PRMT2: variants seen among roughly 807,000 people sequenced by gnomAD.
The protein encoded by PRMT2 is protein arginine methyltransferase 2, also known as protein arginine N-methyltransferase 2.
PRMT2 carries 26 observed loss-of-function variants against 57.6 expected under a neutral mutation model. The ratio of observed to expected loss-of-function variants is 0.45; its 90% confidence interval spans 0.33 to 0.63. The LOEUF is 0.63. Ranked by LOEUF, PRMT2 falls within the 20% of genes least tolerant of loss-of-function variation. The probability of loss-of-function intolerance (pLI) is 0.02; values close to 1 mark genes in which losing one functional copy is unlikely to be tolerated. For missense variants in PRMT2, 472 were observed against 564.4 expected, an observed-to-expected ratio of 0.84 and a Z score of 1.66; for synonymous variants, 219 against 220.0, an observed-to-expected ratio of 1.00 and a Z score of 0.04.
Position 46,648,427 on chromosome 21 carries a change from G to C in PRMT2, c.328-31G>C. The C allele has an allele frequency of 1.2e-6, 2 of 1,610,958 alleles. No individual in the cohort carries two copies. Among genetic ancestry groups the C allele is most frequent in the South Asian group, 2.2e-5 (2 of 90,712 alleles). ...GACCTCAGCATGGCTCTAGGTCACA[G>C]GCAGTGATTCTGAATGTGCATTTCT... On this transcript the variant is annotated intron_variant, in intron 5 of 11. Transcript: ENST00000355680. This position sits in a 1 kb window ranked among gnomAD's most constrained non-coding sequence, Gnocchi z 4.8.
intron 8 of PRMT2, chr21:46,659,980 G>T (rs1411922775): frequency 7.1e-6 from 7 of 983,576 alleles, no homozygotes; most frequent in Non-Finnish European, 8.5e-6. Flanking sequence ...ATGTCTGGGG[G>T]ATAAAAATAA....
chr21:46,653,788 T>A (rs1301246122), intron 7 of PRMT2: 2 of 1,094,112 alleles, frequency 1.8e-6, no homozygotes, highest in Non-Finnish European at 2.2e-6. Context: ...TACAGAGACA[T>A]CTTTTTCAGG....
intron 3 of PRMT2, among the ~76,000 whole-genome samples, chr21:46,637,397 C>A (rs183857607): frequency 2.7e-4 from 41 of 152,232 alleles, no homozygotes; most frequent in African/African-American, 9.9e-4. Flanking sequence ...CATGTAGTTT[C>A]GTTCAAGTTA....
chr21:46,663,649 C>A, intron 11 of PRMT2, 95 bp downstream of exon 11: 1 of 1,284,034 alleles, frequency 7.8e-7, no homozygotes, highest in Non-Finnish European at 1.1e-6. Flanking sequence ...CTGGCCCACA[C>A]TGGGGTCCAC....
At chr21:46,653,687 T>C (rs2061496515) in intron 7 of PRMT2, 1 of 1,258,294 alleles carries the variant, frequency 7.9e-7, no homozygotes, top group Non-Finnish European at 1.0e-6. Flanking sequence ...ATTTTACTTT[T>C]CAGAGGTGCT....
At position 46,649,175 on chromosome 21, in the gene PRMT2, C is replaced by G. The variant is rs1318858385; in HGVS notation, c.490-400C>G. Among the ~76,000 whole-genome samples, 1 of 152,222 alleles carries G rather than the reference C, an allele frequency of 6.6e-6. No individual in the cohort carries two copies. Among genetic ancestry groups the G allele is most frequent in the African/African-American group, 2.4e-5 (1 of 41,454 alleles). On this transcript the variant is annotated intron_variant, in intron 6 of 11. Coordinates refer to ENST00000355680, the MANE Select transcript of PRMT2 (RefSeq NM_206962.4). This position sits in a 1 kb window ranked among gnomAD's most constrained non-coding sequence, Gnocchi z 4.8. ...CAGCGCTTGGGTGCTTCCCACCAGACCCTTCCCTGAGAACCTGGGTTTGAA... is the reference window on the plus strand; with the variant it reads ...CAGCGCTTGGGTGCTTCCCACCAGAGCCTTCCCTGAGAACCTGGGTTTGAA...
intron 7 of PRMT2, chr21:46,653,769 C>A: frequency 8.7e-7 from 1 of 1,153,512 alleles, no homozygotes; most frequent in South Asian, 2.0e-5. Context: ...AAGCTTGCCT[C>A]ATACAAAGTA....
chr21:46,638,354 G>C (rs1414779806), intron 3 of PRMT2, among the ~76,000 whole-genome samples: 2 of 152,212 alleles, frequency 1.3e-5, no homozygotes, highest in African/African-American at 2.4e-5. Flanking sequence ...GCCTGTTGCA[G>C]TCTCACTGCT....
At chr21:46,651,839 T>C in intron 7 of PRMT2, 1 of 1,612,792 alleles carries the variant, frequency 6.2e-7, no homozygotes, top group East Asian at 2.2e-5. Flanking sequence ...CATTCTCCCC[T>C]GCACCTGTGC....
intron 1 of PRMT2, chr21:46,636,064 C>CT: frequency 6.5e-6 from 1 of 153,286 alleles, no homozygotes; most frequent in South Asian, 2.0e-4. Context: ...CCACGCCCAC[C>CT]TGCCTGGCGG....
At chr21:46,643,489 A>AAAG (rs1569151382) in intron 3 of PRMT2, 46 bp from the exon 4 acceptor site, 1 of 1,414,264 alleles carries the variant, frequency 7.1e-7, no homozygotes. Flanking sequence ...AAAAAAAAAA[A>AAAG]AAAGCTCCAG....
At chr21:46,653,945 T>G in intron 7 of PRMT2, 1 of 1,020,890 alleles carries the variant, frequency 9.8e-7, no homozygotes, top group Non-Finnish European at 1.2e-6. Flanking sequence ...TGTTTTTTTT[T>G]TTTTTTGGCG....
intron 8 of PRMT2, chr21:46,659,986 A>T (rs2149000439): frequency 1.0e-6 from 1 of 983,790 alleles, no homozygotes; most frequent in South Asian, 4.7e-5. Flanking sequence ...GGGGGATAAA[A>T]ATAAGTATAT....
intron 7 of PRMT2, chr21:46,651,982 C>T: frequency 1.2e-6 from 2 of 1,613,302 alleles, no homozygotes; most frequent in Non-Finnish European, 1.7e-6. Context: ...GCCTTCATCT[C>T]TCCTGGCCCA....
At chr21:46,664,173 C>T (rs888780436) in intron 11 of PRMT2, 122 bp from the exon 12 acceptor site, 11 of 756,526 alleles carry the variant, frequency 1.5e-5, no homozygotes, top group South Asian at 1.2e-4. Context: ...AAAAGTTTGT[C>T]ATTTAAAAAA....
chr21:46,658,804 G>A lies in PRMT2; in HGVS notation c.714G>A (p.Gly238=). 3 of 1,614,194 alleles carry A rather than the reference G, an allele frequency of 1.9e-6. No homozygotes were observed. The highest frequency in any genetic ancestry group is 2.5e-6 in the Non-Finnish European group (3 of 1,180,036). The change falls in exon 8 of 12, where the codon GGG becomes GGA. Residue 238 remains glycine (G), a synonymous_variant. Coordinates refer to ENST00000355680, the MANE Select transcript of PRMT2 (RefSeq NM_206962.4). ...GGGATGCCTGGCTGAAGGAGGACGG[G>A]GTCATTTGGCCCACCATGGCTGCGT... is the stretch of plus-strand genomic sequence containing the variant. ...YARDAWLKED[G]VIWPTMAALH... is the part of the protein sequence containing the mutation.
chr21:46,656,540 A>G (rs2061544339), intron 7 of PRMT2, among the ~76,000 whole-genome samples: 1 of 152,178 alleles, frequency 6.6e-6, no homozygotes, highest in African/African-American at 2.4e-5. Context: ...AATATGGTCA[A>G]TGGGTTTTTT....
intron 7 of PRMT2, chr21:46,652,783 C>G: frequency 8.2e-7 from 1 of 1,214,390 alleles, no homozygotes; most frequent in Non-Finnish European, 1.1e-6. Flanking sequence ...GTCAACAGAC[C>G]ATTTAATCAT....
Position 46,636,892 on chromosome 21 carries a change from G to T in PRMT2, c.-56-4G>T. ...TTTGTGTCTCCTTCTCTTTTTAAAA[G>T]TAGAAATGGAAAAGAAAATGAAATA... On this transcript the variant is annotated splice_region_variant and splice_polypyrimidine_tract_variant and intron_variant, in intron 2 of 11. Coordinates refer to ENST00000355680, the MANE Select transcript of PRMT2 (RefSeq NM_206962.4). 6.4e-7 allele frequency: 1 copy of T among 1,552,838 alleles called. No homozygotes were observed. The highest frequency in any genetic ancestry group is 8.8e-7 in the Non-Finnish European group (1 of 1,138,256).
Sources: allele counts gnomAD v4.1 joint callset (sites outside exome capture counted in the v4.1 genomes callset), GRCh38; gene constraint gnomAD v4.1.1; non-coding constraint Gnocchi (gnomAD v3.1); transcripts MANE v1.5; gene names NCBI Gene and HGNC (gene_info 2026-07-23, HGNC 2026-07-21).